MYO1D: variants seen among roughly 807,000 people sequenced by gnomAD.
The protein encoded by MYO1D is unconventional myosin-Id.
In MYO1D, 83 loss-of-function variants were observed where a neutral mutation model predicts 122.0. That is an observed-to-expected ratio of 0.68 (90% CI 0.57 to 0.82). MYO1D has a LOEUF of 0.82. Ranked by LOEUF, MYO1D falls within the 40% of genes least tolerant of loss-of-function variation. The pLI is 0.00. For synonymous variants in MYO1D, 464 were observed against 446.9 expected (o/e 1.04, Z -0.48); for missense variants, 1,157 against 1,269.5 (o/e 0.91, Z 1.35).
intron 1 of MYO1D, among the ~76,000 whole-genome samples, chr17:32,817,901 C>T (rs1022082144): frequency 1.5e-4 from 23 of 151,338 alleles, no homozygotes; most frequent in African/African-American, 4.6e-4. Context: ...CCGAGGCGGG[C>T]GGATCACGAG....
chr17:32,839,768 A>C (rs1189600202), intron 1 of MYO1D, among the ~76,000 whole-genome samples: 2 of 152,150 alleles, frequency 1.3e-5, no homozygotes, highest in African/African-American at 4.8e-5. Context: ...AGGATTTTTA[A>C]TGCATTTTTT....
intron 16 of MYO1D, among the ~76,000 whole-genome samples, chr17:32,662,689 G>C (rs180969904): frequency 6.6e-6 from 1 of 151,738 alleles, no homozygotes; most frequent in Non-Finnish European, 1.5e-5. Flanking sequence ...AAAAAAAAGA[G>C]CTGTGTAAAC....
chr17:32,709,015 T>C (rs2089342261), intron 16 of MYO1D, among the ~76,000 whole-genome samples: 1 of 152,182 alleles, frequency 6.6e-6, no homozygotes, highest in Admixed American at 6.5e-5. Flanking sequence ...TACATCTTTT[T>C]ATATATGAGC....
chr17:32,588,992 C>A (rs1448059757), intron 21 of MYO1D, among the ~76,000 whole-genome samples: 1 of 151,628 alleles, frequency 6.6e-6, no homozygotes, highest in Non-Finnish European at 1.5e-5. Flanking sequence ...CCACAAAAAA[C>A]AAAAACAAAA....
intron 1 of MYO1D, among the ~76,000 whole-genome samples, chr17:32,847,605 CT>C (rs1391731822): frequency 1.3e-5 from 2 of 152,196 alleles, no homozygotes; most frequent in African/African-American, 2.4e-5. Context: ...ATCTCCACCT[CT>C]GGGGTTCAAG....
rs779302600 is a variant in MYO1D, at chr17:32,512,098, C to T, written c.2865-17183G>A. 6.6e-5 allele frequency among the ~76,000 whole-genome samples: 10 copies of T among 152,108 alleles called. No individual in the cohort carries two copies. In the East Asian group the frequency reaches 7.7e-4, roughly 12 times the overall value. On this transcript the variant is annotated intron_variant, in intron 21 of 21. Coordinates refer to ENST00000318217, the MANE Select transcript of MYO1D (RefSeq NM_015194.3). The stretch of plus-strand genomic sequence containing the variant: ...GGCGGATCACCTGAGGTCAGGTGTT[C>T]GAGACCAGACGGACCAACATGGTGA...
intron 21 of MYO1D, among the ~76,000 whole-genome samples, chr17:32,546,610 G>A: frequency 6.6e-6 from 1 of 152,184 alleles, no homozygotes; most frequent in East Asian, 1.9e-4. Flanking sequence ...AAGGATTTGT[G>A]GGGGGCATGG....
rs549991483 is a variant in MYO1D, at chr17:32,801,788, C to G, written c.96-21004G>C. On this transcript the variant is annotated intron_variant, in intron 1 of 21. Coordinates refer to ENST00000318217, the MANE Select transcript of MYO1D (RefSeq NM_015194.3). ...AATGGCAACAACCATATCTACCACC[C>G]AGTTCTTGATTTCTAAATGCTATAC... Among the ~76,000 whole-genome samples the G allele has an allele frequency of 3.9e-5, 6 of 152,268 alleles. No individual in the cohort carries two copies. The East Asian group carries it at 1.2e-3, about 29-fold the overall frequency.
chr17:32,602,041 A>C (rs2087568456), intron 21 of MYO1D, among the ~76,000 whole-genome samples: 1 of 152,194 alleles, frequency 6.6e-6, no homozygotes, highest in African/African-American at 2.4e-5. Context: ...GATGAGGAAA[A>C]ATTTATTCGA....
rs2090100397 is a variant in MYO1D at position 32,770,301 on chromosome 17, CTTTT to C, written c.714+820_714+823del. ...CTTAGATCTTTTTCCTTTACAGTTT[CTTTT>C]ATTTCTCCCCCAAATATGAAAGCAG... On this transcript the variant is annotated intron_variant, in intron 6 of 21. Transcript: ENST00000318217. Among the ~76,000 whole-genome samples the C allele has an allele frequency of 2.6e-5, 4 of 152,082 alleles. No homozygotes were observed. The South Asian group carries it at 8.3e-4, about 32-fold the overall frequency.
At chr17:32,589,234 T>C (rs764374708) in intron 21 of MYO1D, among the ~76,000 whole-genome samples, 2 of 152,242 alleles carry the variant, frequency 1.3e-5, no homozygotes, top group Non-Finnish European at 2.9e-5. Flanking sequence ...CAGGTCCTGC[T>C]TCACCTTGAG....
intron 1 of MYO1D, among the ~76,000 whole-genome samples, chr17:32,876,501 T>A (rs549262016): frequency 1.3e-5 from 2 of 152,084 alleles, no homozygotes; most frequent in South Asian, 4.2e-4. Context: ...CCTCTGCACC[T>A]AAACCCCGGA....
At chr17:32,754,433 G>T (rs1441001667) in intron 11 of MYO1D, among the ~76,000 whole-genome samples, 3 of 152,130 alleles carry the variant, frequency 2.0e-5, no homozygotes. Context: ...ATTTGTAGTA[G>T]GGTTACTATC....
At chr17:32,589,259 G>A (rs536621747) in intron 21 of MYO1D, among the ~76,000 whole-genome samples, 1 of 152,316 alleles carries the variant, frequency 6.6e-6, no homozygotes, top group African/African-American at 2.4e-5. Flanking sequence ...GCTGCTCCCC[G>A]TGGGTTCCCT....
intron 14 of MYO1D, among the ~76,000 whole-genome samples, chr17:32,722,523 C>T (rs528980061): frequency 5.3e-5 from 8 of 152,330 alleles, no homozygotes; most frequent in African/African-American, 1.7e-4. Flanking sequence ...TATGATGTCA[C>T]CTCTTCGTTC....
At chr17:32,634,501 G>C (rs2088070309) in intron 20 of MYO1D, among the ~76,000 whole-genome samples, 1 of 152,200 alleles carries the variant, frequency 6.6e-6, no homozygotes, top group South Asian at 2.1e-4. Flanking sequence ...CAATGCATTA[G>C]GAGATGTAAG....
intron 21 of MYO1D, among the ~76,000 whole-genome samples, chr17:32,595,036 A>C (rs2087477959): frequency 6.6e-6 from 1 of 152,176 alleles, no homozygotes; most frequent in African/African-American, 2.4e-5. Context: ...TGCTGATTTA[A>C]TATCTTGAAA....
In MYO1D at chr17:32,749,737, C is replaced by T. The variant is rs2089879166; in HGVS notation, c.1468-731G>A. Reference sequence around the variant, plus strand: ...GCGAGACCCTGTCTCAAAAACCAAACCAAACCAAACAAAATTTAGCTACTA... The same window carrying T: ...GCGAGACCCTGTCTCAAAAACCAAATCAAACCAAACAAAATTTAGCTACTA... On this transcript the variant is annotated intron_variant, in intron 11 of 21. Transcript: ENST00000318217. Among the ~76,000 whole-genome samples the T allele has an allele frequency of 2.6e-5, 4 of 152,000 alleles. No individual in the cohort carries two copies. In the South Asian group the frequency reaches 8.3e-4, roughly 32 times the overall value.
intron 1 of MYO1D, among the ~76,000 whole-genome samples, chr17:32,858,367 A>G (rs186269054): frequency 1.3e-5 from 2 of 152,356 alleles, no homozygotes; most frequent in Non-Finnish European, 2.9e-5. Flanking sequence ...CCTTATAGCA[A>G]AAGTATACAG....
Sources: gnomAD v4.1 joint callset for allele counts (sites outside exome capture counted in the v4.1 genomes callset) on GRCh38, gnomAD v4.1.1 for gene constraint, MANE v1.5 for transcripts, NCBI Gene and HGNC (gene_info 2026-07-23, HGNC 2026-07-21) for gene names.